ZBTB11: variants seen among roughly 807,000 people sequenced by gnomAD.
ZBTB11 encodes zinc finger and BTB domain containing 11, also known as zinc finger and BTB domain-containing protein 11.
ZBTB11 carries 68 observed loss-of-function variants against 113.1 expected under a neutral mutation model. The ratio of observed to expected loss-of-function variants is 0.60; its 90% CI spans 0.49 to 0.74. ZBTB11 has a LOEUF of 0.74. ZBTB11 is among the 30% of genes least tolerant of loss of function. ZBTB11 has a pLI of 0.00. For missense variants in ZBTB11, 1,104 were observed against 1,279.4 expected, an observed-to-expected ratio of 0.86 and a Z score of 2.09; for synonymous variants, 518 against 452.6, an observed-to-expected ratio of 1.14 and a Z score of -1.83.
In ZBTB11 at chr3:101,665,304, T is replaced by G. The variant is rs142202784; in HGVS notation, c.1283A>C (p.Asn428Thr). 1 of 1,614,222 alleles carries G rather than the reference T, an allele frequency of 6.2e-7. No homozygotes were observed. The highest frequency in any genetic ancestry group is 8.5e-7 in the Non-Finnish European group (1 of 1,180,040). ...NNQTELETSN[N>T]RENNTVSNIH... ...ATTAGAAACTGTGTTATTTTCTCTG[T>G]TGTTTGAAGTTTCTAGTTCTGTCTG... The change falls in exon 4 of 11, where the codon AAC becomes ACC. Residue 428 changes from asparagine (N) to threonine (T), a missense_variant. By Grantham distance (65) the Asn-to-Thr change is moderately conservative (BLOSUM62 0). Around this residue, in one of 5 missense-constraint regions of ZBTB11, gnomAD observed 535 missense variants for 518.6 expected, o/e 1.03. Coordinates refer to ENST00000312938, the MANE Select transcript of ZBTB11 (RefSeq NM_014415.4).
chr3:101,651,106 A>C lies in ZBTB11; in HGVS notation c.*60T>G. ...CAGACAGTCACACAGAATTGTAAAC[A>C]AATGTTCTGTGAGTTCAGTGTACAA... On this transcript the variant is annotated 3_prime_UTR_variant, in exon 11 of 11. Coordinates refer to ENST00000312938, the MANE Select transcript of ZBTB11 (RefSeq NM_014415.4). 6.7e-7 allele frequency: 1 copy of C among 1,487,042 alleles called. No homozygotes were observed. The highest frequency in any genetic ancestry group is 9.0e-7 in the Non-Finnish European group (1 of 1,115,454). The allele number at this position is 1,487,042 out of a possible 1,614,324, so 92.1% of individuals were successfully genotyped here.
At chr3:101,671,098 A>C (rs771856206) in intron 3 of ZBTB11, 32 bp downstream of exon 3, 1 of 1,575,024 alleles carries the variant, frequency 6.3e-7, no homozygotes. Flanking sequence ...TGTCATTACA[A>C]ACAAAAAGCA....
In ZBTB11 at chr3:101,676,653, TGTG is replaced by T; in HGVS notation, c.259_261del (p.His87del). On this transcript the variant is annotated inframe_deletion, in exon 1 of 11. Transcript: ENST00000312938. ...AAGTAGTGCCAGGTCTGATGCCGGGTGTGGTGAGTGCCGCCGGGACCCAGGTGC... is the reference window on the plus strand; with the variant it reads ...AAGTAGTGCCAGGTCTGATGCCGGGTGTGAGTGCCGCCGGGACCCAGGTGC... 6.3e-7 allele frequency: 1 copy of T among 1,576,538 alleles called. No individual in the cohort carries two copies. Among genetic ancestry groups the T allele is most frequent in the Non-Finnish European group, 8.6e-7 (1 of 1,159,752 alleles).
intron 5 of ZBTB11, among the ~76,000 whole-genome samples, chr3:101,664,096 G>C (rs1344446128): frequency 6.6e-6 from 1 of 152,108 alleles, no homozygotes; most frequent in Non-Finnish European, 1.5e-5. Context: ...TGATTTAATT[G>C]CTTCTGCTTT....
At chr3:101,673,949 CATTT>C (rs951477178) in intron 1 of ZBTB11, among the ~76,000 whole-genome samples, 2 of 151,466 alleles carry the variant, frequency 1.3e-5, no homozygotes, top group African/African-American at 2.4e-5. Flanking sequence ...ATGCAATTGA[CATTT>C]ATTATTAGAA....
Position 101,665,412 on chromosome 3 carries a change from G to C in ZBTB11, c.1175C>G (p.Ala392Gly). 6.2e-7 allele frequency: 1 copy of C among 1,614,164 alleles called. No homozygotes were observed. The highest frequency in any genetic ancestry group is 8.5e-7 in the Non-Finnish European group (1 of 1,180,012). ...TCCTACTGATGACAGGGCAGATTCAGCCTCTGAAGAAACCTGGGGCTCAGG... is the reference window on the plus strand; with the variant it reads ...TCCTACTGATGACAGGGCAGATTCACCCTCTGAAGAAACCTGGGGCTCAGG... The part of the protein sequence containing the change: ...RQPEPQVSSE[A>G]ESALSSVGCI... Residue 392 changes from alanine (A) to glycine (G), a missense_variant, in exon 4 of 11, where the codon GCT (alanine) becomes GGT (glycine). By Grantham distance (60) the Ala-to-Gly change is moderately conservative. Coordinates refer to ENST00000312938, the MANE Select transcript of ZBTB11 (RefSeq NM_014415.4).
intron 10 of ZBTB11, among the ~76,000 whole-genome samples, 169 bp from the exon 11 acceptor site, chr3:101,651,852 T>C (rs1407028981): frequency 6.6e-6 from 1 of 152,122 alleles, no homozygotes; most frequent in African/African-American, 2.4e-5. Context: ...GAAGATTCTT[T>C]GCCGGGCACG....
intron 5 of ZBTB11, among the ~76,000 whole-genome samples, chr3:101,662,784 CAG>C: frequency 6.6e-6 from 1 of 151,494 alleles, no homozygotes; most frequent in African/African-American, 2.4e-5. Flanking sequence ...TTTTTGGAGA[CAG>C]GGTCTCACTT....
At chr3:101,654,880 A>AG in intron 7 of ZBTB11, 59 bp from the exon 8 acceptor site, 1 of 1,181,400 alleles carries the variant, frequency 8.5e-7, no homozygotes. Context: ...TTTTAACAGA[A>AG]TTTTTTTTTT....
At chr3:101,672,922 ATGT>A in intron 1 of ZBTB11, among the ~76,000 whole-genome samples, 1 of 152,334 alleles carries the variant, frequency 6.6e-6, no homozygotes, top group Middle Eastern at 3.4e-3. Context: ...TCCCAGAGGG[ATGT>A]TGTTCTTAAA....
At chr3:101,664,465 A>T (rs1936944920) in intron 5 of ZBTB11, 73 bp downstream of exon 5, 14 of 1,417,208 alleles carry the variant, frequency 9.9e-6, no homozygotes, top group Non-Finnish European at 9.5e-7. Flanking sequence ...AAGCGAAAAG[A>T]TAACCATGCA....
chr3:101,676,720 C>T lies in ZBTB11; in HGVS notation c.195G>A (p.Val65=). 6.3e-7 allele frequency: 1 copy of T among 1,599,504 alleles called. No homozygotes were observed. The highest frequency in any genetic ancestry group is 8.5e-7 in the Non-Finnish European group (1 of 1,172,860). Residue 65 remains valine, a synonymous_variant, in exon 1 of 11, where the codon GTG becomes GTA. Transcript: ENST00000312938. ...GGTCCCGGCGTCGCTCCGGCTGCAG[C>T]ACCACCTCCAGCTCCGCGAAGGTCT... ...HRKTFAELEV[V]LQPERRRDLI...
In ZBTB11 at chr3:101,665,648, C is replaced by G; in HGVS notation, c.939G>C (p.Glu313Asp). Residue 313 changes from glutamate to aspartate, a missense_variant, in exon 4 of 11, where the codon GAG (glutamate) becomes GAC (aspartate). Glu to Asp is a conservative substitution (Grantham distance 45). Around this residue, in one of 5 missense-constraint regions of ZBTB11, gnomAD observed 86 missense variants for 131.0 expected, o/e 0.66. Coordinates refer to ENST00000312938, the MANE Select transcript of ZBTB11 (RefSeq NM_014415.4). ...CCTTCTTATATACTGTTAGCTGCTT[C>G]TCTTCCATTAGCTTATGTACACTTT... ...ICESVHKLME[E>D]KQLTVYKKGE... 1 of 1,614,220 alleles carries G rather than the reference C, an allele frequency of 6.2e-7. No individual in the cohort carries two copies. The highest frequency in any genetic ancestry group is 8.5e-7 in the Non-Finnish European group (1 of 1,180,038).
intron 3 of ZBTB11, among the ~76,000 whole-genome samples, chr3:101,668,267 T>C (rs903269796): frequency 1.3e-5 from 2 of 152,208 alleles, no homozygotes; most frequent in Middle Eastern, 3.4e-3. Context: ...GCTAGATAGA[T>C]AGAAGGAACA....
intron 8 of ZBTB11, 120 bp from the exon 9 acceptor site, chr3:101,653,058 T>A (rs1011993066): frequency 6.8e-6 from 7 of 1,026,484 alleles, no homozygotes; most frequent in Admixed American, 5.8e-5. Flanking sequence ...CTTAAAAGAA[T>A]TCCCTAATTT....
intron 1 of ZBTB11, 64 bp from the exon 2 acceptor site, chr3:101,672,277 A>C: frequency 8.4e-7 from 1 of 1,185,052 alleles, no homozygotes; most frequent in Non-Finnish European, 1.2e-6. Context: ...TATATTATTT[A>C]GTCTGTGCAC....
chr3:101,652,471 T>C (rs745694756), intron 10 of ZBTB11, 25 bp downstream of exon 10: 2 of 1,605,518 alleles, frequency 1.2e-6, no homozygotes, highest in East Asian at 4.5e-5. Context: ...TCTATAAGGA[T>C]ACATATAATA....
Position 101,652,840 on chromosome 3 carries a change from T to C in ZBTB11, c.2408A>G (p.Tyr803Cys), listed in dbSNP as rs768865218. ...GGAATACCAATCTTTCTTCCAACTA[T>C]AGCACTTATCACAAAATTGGCACTG... ...PFQCQFCDKC[Y>C]SWKKDWYSHV... Residue 803 changes from tyrosine to cysteine, a missense_variant, in exon 9 of 11, where the codon TAT (tyrosine) becomes TGT (cysteine). By Grantham distance (194) the Tyr-to-Cys change is radical. This residue lies in a region of ZBTB11 where 148 missense variants were observed against 259.3 expected (regional missense o/e 0.57). Coordinates refer to ENST00000312938, the MANE Select transcript of ZBTB11 (RefSeq NM_014415.4). 3 of 1,614,024 alleles carry C rather than the reference T, an allele frequency of 1.9e-6. No individual in the cohort carries two copies. Among genetic ancestry groups the C allele is most frequent in the African/African-American group, 1.3e-5 (1 of 74,936 alleles).
At chr3:101,657,537 G>T (rs138304760) in intron 6 of ZBTB11, among the ~76,000 whole-genome samples, 1 of 151,788 alleles carries the variant, frequency 6.6e-6, no homozygotes, top group Non-Finnish European at 1.5e-5. Context: ...CTGGCAGGGT[G>T]GGGGTGGAGG....
Sources: allele counts gnomAD v4.1 joint callset (sites outside exome capture counted in the v4.1 genomes callset), GRCh38; gene constraint gnomAD v4.1.1; regional missense constraint gnomAD v4.1.1; transcripts MANE v1.5; gene names NCBI Gene and HGNC (gene_info 2026-07-23, HGNC 2026-07-21).